CDKAL1: variants seen among roughly 807,000 people sequenced by gnomAD.
The protein encoded by CDKAL1 is threonylcarbamoyladenosine tRNA methylthiotransferase.
A neutral mutation model predicts 68.2 loss-of-function variants in CDKAL1; 32 were observed. That is an observed-to-expected ratio of 0.47 (90% CI 0.35 to 0.63). CDKAL1 has a LOEUF of 0.63. Among genes scored for constraint, CDKAL1 ranks in the 30% least tolerant of loss-of-function variants. The pLI is 0.00. For synonymous variants in CDKAL1, 234 were observed against 244.3 expected (o/e 0.96, Z 0.39); for missense variants, 606 against 696.7 (o/e 0.87, Z 1.47).
chr6:20,778,396 T>C (rs552938261), intron 7 of CDKAL1, among the ~76,000 whole-genome samples: 1 of 152,380 alleles, frequency 6.6e-6, no homozygotes, highest in East Asian at 1.9e-4. Context: ...GATAAAGGTC[T>C]TATAACCATA....
At chr6:21,077,098 T>A (rs953325028) in intron 12 of CDKAL1, among the ~76,000 whole-genome samples, 2 of 151,722 alleles carry the variant, frequency 1.3e-5, no homozygotes, top group Non-Finnish European at 2.9e-5. Context: ...TAATCTTTGA[T>A]TTTTCTATTA....
At chr6:21,230,795 A>G (rs1439710277) in intron 15 of CDKAL1, 53 bp from the exon 16 acceptor site, 1 of 1,400,894 alleles carries the variant, frequency 7.1e-7, no homozygotes, top group East Asian at 2.4e-5. Context: ...ATATCACAAC[A>G]GGGCTTTCTC....
At chr6:20,634,573 G>T (rs773996037) in intron 4 of CDKAL1, among the ~76,000 whole-genome samples, 2 of 152,204 alleles carry the variant, frequency 1.3e-5, no homozygotes. Flanking sequence ...ATACAAGAGT[G>T]GTGGTGGTAG....
At chr6:21,204,074 A>G (rs899241022) in intron 15 of CDKAL1, among the ~76,000 whole-genome samples, 2 of 152,202 alleles carry the variant, frequency 1.3e-5, no homozygotes, top group Admixed American at 1.3e-4. Context: ...TTCCTGAAGA[A>G]AAACTGTAGA....
At chr6:21,054,080 T>C (rs1770695688) in intron 11 of CDKAL1, among the ~76,000 whole-genome samples, 1 of 152,170 alleles carries the variant, frequency 6.6e-6, no homozygotes, top group Non-Finnish European at 1.5e-5. Context: ...TGTTTAATAA[T>C]TCTGTATCTG....
intron 5 of CDKAL1, among the ~76,000 whole-genome samples, chr6:20,729,407 G>A (rs999551535): frequency 3.3e-5 from 5 of 151,926 alleles, no homozygotes; most frequent in Admixed American, 6.6e-5. Flanking sequence ...TTTACAATTC[G>A]GAGTATTTTC....
intron 13 of CDKAL1, among the ~76,000 whole-genome samples, chr6:21,178,151 A>G (rs1193621762): frequency 6.6e-6 from 1 of 152,114 alleles, no homozygotes; most frequent in African/African-American, 2.4e-5. Flanking sequence ...AAGATGAGAG[A>G]TGGAGATTTA....
At chr6:20,651,882 C>G (rs1020135742) in intron 5 of CDKAL1, among the ~76,000 whole-genome samples, 1 of 152,140 alleles carries the variant, frequency 6.6e-6, no homozygotes, top group Non-Finnish European at 1.5e-5. Flanking sequence ...GAACCAGCCT[C>G]GCATCCAGGG....
rs764584316 is a variant in CDKAL1 at position 20,539,781 on chromosome 6, G to A, written c.-6+4387G>A. Reference sequence around the variant, plus strand: ...ACTCTGATATGGAATACCACTGGAAGGGTTTGATTGAGAAGCTTGAGATGA... The same window carrying A: ...ACTCTGATATGGAATACCACTGGAAAGGTTTGATTGAGAAGCTTGAGATGA... On this transcript the variant is annotated intron_variant, in intron 2 of 15. Coordinates refer to ENST00000274695, the MANE Select transcript of CDKAL1 (RefSeq NM_017774.3). This position sits in a 1 kb window ranked among gnomAD's most constrained non-coding sequence, Gnocchi z 4.3. Among the ~76,000 whole-genome samples the A allele has an allele frequency of 1.3e-5, 2 of 152,130 alleles. No homozygotes were observed. Among genetic ancestry groups the A allele is most frequent in the African/African-American group, 4.8e-5 (2 of 41,414 alleles).
chr6:20,961,639 T>C (rs1581919582), intron 10 of CDKAL1, among the ~76,000 whole-genome samples: 1 of 151,658 alleles, frequency 6.6e-6, no homozygotes, highest in South Asian at 2.1e-4. Flanking sequence ...TGGTGGCGGG[T>C]GCCTGTAGTC....
intron 4 of CDKAL1, among the ~76,000 whole-genome samples, chr6:20,613,561 C>G (rs868168532): frequency 5.3e-5 from 8 of 150,538 alleles, no homozygotes; most frequent in Admixed American, 1.3e-4. Flanking sequence ...ATGTGTGAGC[C>G]ACCATGCCTG....
intron 8 of CDKAL1, among the ~76,000 whole-genome samples, chr6:20,820,661 CT>C (rs1474730655): frequency 6.6e-6 from 1 of 152,100 alleles, no homozygotes; most frequent in East Asian, 1.9e-4. Flanking sequence ...AGTTCAAGTC[CT>C]GGTTCGGCTA....
intron 5 of CDKAL1, among the ~76,000 whole-genome samples, chr6:20,653,068 T>C (rs549161062): frequency 5.3e-5 from 8 of 152,248 alleles, no homozygotes; most frequent in Non-Finnish European, 8.8e-5. Context: ...GATTTATTCA[T>C]GTTAATGGGT....
chr6:20,981,838 C>G (rs1024421531), intron 10 of CDKAL1, among the ~76,000 whole-genome samples: 3 of 152,032 alleles, frequency 2.0e-5, no homozygotes, highest in African/African-American at 7.2e-5. Flanking sequence ...GAGTCTGTCT[C>G]AAAAAAGGAA....
intron 10 of CDKAL1, among the ~76,000 whole-genome samples, chr6:20,966,872 T>C (rs1765343624): frequency 6.6e-6 from 1 of 152,214 alleles, no homozygotes; most frequent in Admixed American, 6.5e-5. Flanking sequence ...AGTCTTTATT[T>C]TTCCTACCTC....
intron 10 of CDKAL1, among the ~76,000 whole-genome samples, chr6:20,990,716 C>T (rs896436018): frequency 1.3e-5 from 2 of 152,136 alleles, no homozygotes; most frequent in Non-Finnish European, 2.9e-5. Flanking sequence ...TGGTAATTTA[C>T]TTAGTAGCTG....
chr6:20,882,449 G>A (rs369550412), intron 9 of CDKAL1, among the ~76,000 whole-genome samples: 3 of 152,164 alleles, frequency 2.0e-5, no homozygotes, highest in African/African-American at 7.2e-5. Flanking sequence ...CTATTAAACA[G>A]ATGTGTTTAC....
At chr6:20,669,048 A>G (rs1041431573) in intron 5 of CDKAL1, among the ~76,000 whole-genome samples, 2 of 152,194 alleles carry the variant, frequency 1.3e-5, no homozygotes, top group Non-Finnish European at 2.9e-5. Flanking sequence ...AGTTAACTTT[A>G]ACATCTAGTA....
At chr6:20,768,289 A>G (rs1774787602) in intron 7 of CDKAL1, among the ~76,000 whole-genome samples, 1 of 152,154 alleles carries the variant, frequency 6.6e-6, no homozygotes, top group Non-Finnish European at 1.5e-5. Flanking sequence ...TGCAAATTGT[A>G]TCACATGGAA....
Sources: allele counts gnomAD v4.1 joint callset (sites outside exome capture counted in the v4.1 genomes callset), GRCh38; gene constraint gnomAD v4.1.1; non-coding constraint Gnocchi (gnomAD v3.1); transcripts MANE v1.5; gene names NCBI Gene and HGNC (gene_info 2026-07-23, HGNC 2026-07-21).